Variants in TEX9 observed in about 807,000 individuals in gnomAD.
The protein encoded by TEX9 is testis expressed 9, also known as testis-expressed protein 9.
Under a neutral mutation model 59.6 loss-of-function variants are expected in TEX9, and 74 were observed. The observed-to-expected ratio is 1.24, with a 90% CI of 1.03 to 1.51. The LOEUF (loss-of-function observed/expected upper bound fraction) is 1.51, where lower values mean the gene tolerates loss of function less well. TEX9 is among the 40% of genes most tolerant of loss of function. TEX9 has a pLI of 0.00. For synonymous variants in TEX9, 186 were observed against 152.2 expected (o/e 1.22, Z -1.64); for missense variants, 522 against 447.8 (o/e 1.17, Z -1.49).
chr15:56,384,098 T>C, intron 4 of TEX9, 67 bp downstream of exon 4: 2 of 1,254,890 alleles, frequency 1.6e-6, no homozygotes, highest in Non-Finnish European at 2.3e-6. Flanking sequence ...TGTAAGATCT[T>C]TTTTGCATGC....
chr15:56,263,075 G>A (rs2044303600), intron 1 of TEX9, among the ~76,000 whole-genome samples: 1 of 152,150 alleles, frequency 6.6e-6, no homozygotes, highest in Non-Finnish European at 1.5e-5. Flanking sequence ...CCAGGCTGGA[G>A]TGCAGTGGTA....
intron 1 of TEX9, among the ~76,000 whole-genome samples, chr15:56,317,384 C>G (rs1369219102): frequency 2.0e-5 from 3 of 152,192 alleles, no homozygotes; most frequent in Non-Finnish European, 4.4e-5. Context: ...TATCTGCCCC[C>G]TTCTTTATTC....
chr15:56,428,450 C>G lies in TEX9; in HGVS notation c.*6C>G, dbSNP rs142395520. 2.5e-6 allele frequency: 4 copies of G among 1,600,372 alleles called. No homozygotes were observed. In the African/African-American group the frequency reaches 4.0e-5, roughly 16 times the overall value. ...TTGAATGGGGAAATTCATAAGTGAT[C>G]TACTTCAGTTAGTCTCTATGACAGT... On this transcript the variant is annotated 3_prime_UTR_variant, in exon 12 of 13. Transcript: ENST00000352903.
At chr15:56,337,309 A>G (rs1219999974) in intron 1 of TEX9, among the ~76,000 whole-genome samples, 1 of 151,872 alleles carries the variant, frequency 6.6e-6, no homozygotes, top group East Asian at 1.9e-4. Flanking sequence ...GAGGGGTCTG[A>G]CCCTCTAGTT....
intron 2 of TEX9, among the ~76,000 whole-genome samples, chr15:56,368,119 T>C (rs576920600): frequency 6.6e-6 from 1 of 152,316 alleles, no homozygotes; most frequent in African/African-American, 2.4e-5. Context: ...AGGTTTGCTC[T>C]AGGGTTTTGG....
chr15:56,385,977 C>A (rs562623418), intron 4 of TEX9, among the ~76,000 whole-genome samples: 5 of 152,058 alleles, frequency 3.3e-5, no homozygotes, highest in Non-Finnish European at 5.9e-5. Flanking sequence ...AGACATATAT[C>A]CACGAAAAAA....
At chr15:56,367,603 C>T (rs1418436490) in intron 2 of TEX9, among the ~76,000 whole-genome samples, 6 of 152,150 alleles carry the variant, frequency 3.9e-5, no homozygotes. Flanking sequence ...GTAGGGCAAG[C>T]CCCCTCATAA....
At chr15:56,393,977 G>T in intron 7 of TEX9, 188 bp from the exon 8 acceptor site, 1 of 430,498 alleles carries the variant, frequency 2.3e-6, no homozygotes, top group Non-Finnish European at 4.1e-6. Context: ...TCTTTCTGTT[G>T]AGTGGATTTA....
At chr15:56,256,074 A>G (rs1163199378) in intron 1 of TEX9, among the ~76,000 whole-genome samples, 1 of 152,110 alleles carries the variant, frequency 6.6e-6, no homozygotes, top group African/African-American at 2.4e-5. Context: ...CTCCTTTAAT[A>G]CAAAAAAATT....
At chr15:56,418,561 G>C (rs2049815099) in intron 10 of TEX9, among the ~76,000 whole-genome samples, 1 of 151,316 alleles carries the variant, frequency 6.6e-6, no homozygotes, top group Non-Finnish European at 1.5e-5. Context: ...TGAGGCAGGA[G>C]AATGGCATGA....
chr15:56,440,497 A>T (rs1206519818), intron 12 of TEX9, among the ~76,000 whole-genome samples: 3 of 152,204 alleles, frequency 2.0e-5, no homozygotes, highest in Non-Finnish European at 4.4e-5. Context: ...ATTGATGTTT[A>T]TACAAAAACC....
At chr15:56,365,366 C>T (rs2046885550), upstream of TEX9, 4 of 1,520,760 alleles carry the variant, frequency 2.6e-6, no homozygotes, top group Admixed American at 2.0e-5. Flanking sequence ...AAGGCGTAGG[C>T]GCCCGGGCGG....
intron 1 of TEX9, among the ~76,000 whole-genome samples, chr15:56,270,888 T>A (rs1304852573): frequency 6.6e-6 from 1 of 152,208 alleles, no homozygotes; most frequent in East Asian, 1.9e-4. Flanking sequence ...TCTCCTTCAC[T>A]TATGAAGCTT....
At chr15:56,274,163 C>A (rs964939817) in intron 1 of TEX9, among the ~76,000 whole-genome samples, 1 of 152,078 alleles carries the variant, frequency 6.6e-6, no homozygotes, top group Non-Finnish European at 1.5e-5. Context: ...TGCTCTGAGC[C>A]GTTTTTATTT....
rs144421591 is a variant in TEX9, at chr15:56,350,257, T to C, written c.-106-23184T>C. On this transcript the variant is annotated intron_variant, in intron 1 of 5. Coordinates refer to the TEX9 transcript ENST00000560827. ...CAAAATATATACATACATTATGTTT[T>C]ATGATTCCCTGTTGGCAAGTGTGTA... Among the ~76,000 whole-genome samples the C allele has an allele frequency of 3.7e-3, 569 of 152,336 alleles. 3 individuals carry two copies. Among genetic ancestry groups the C allele is most frequent in the African/African-American group, 0.013 (546 of 41,576 alleles).
intron 1 of TEX9, among the ~76,000 whole-genome samples, chr15:56,271,077 T>A (rs1196616171): frequency 6.6e-6 from 1 of 152,186 alleles, no homozygotes; most frequent in Admixed American, 6.5e-5. Context: ...ATTTTTCCCT[T>A]CATTTCAACC....
chr15:56,435,278 TGTAAAG>T (rs2050702115), intron 12 of TEX9, among the ~76,000 whole-genome samples: 2 of 151,752 alleles, frequency 1.3e-5, no homozygotes, highest in Admixed American at 6.6e-5. Flanking sequence ...TAAAAAGAAC[TGTAAAG>T]TAAACCCAAA....
intron 1 of TEX9, among the ~76,000 whole-genome samples, chr15:56,334,567 G>A (rs1434931630): frequency 6.6e-6 from 1 of 152,042 alleles, no homozygotes; most frequent in Non-Finnish European, 1.5e-5. Context: ...AAATACTGGG[G>A]ACACTCTTTA....
At chr15:56,336,486 C>A (rs1247576143) in intron 1 of TEX9, among the ~76,000 whole-genome samples, 1 of 152,146 alleles carries the variant, frequency 6.6e-6, no homozygotes, top group Non-Finnish European at 1.5e-5. Context: ...AGAGGGCCCT[C>A]ACCAGAGCCC....
Sources: gnomAD v4.1 joint callset for allele counts (sites outside exome capture counted in the v4.1 genomes callset) on GRCh38, gnomAD v4.1.1 for gene constraint, MANE v1.5 for transcripts, NCBI Gene and HGNC (gene_info 2026-07-23, HGNC 2026-07-21) for gene names.